The following ABCB5 variants were observed in gnomAD, a reference collection of about 807,000 sequenced individuals.
The protein encoded by ABCB5 is ATP-binding cassette sub-family B member 5.
In ABCB5, 155 loss-of-function variants were observed where a neutral mutation model predicts 144.2. The observed-to-expected ratio is 1.08, with a 90% CI of 0.94 to 1.23. The LOEUF (loss-of-function observed/expected upper bound fraction) is 1.23. ABCB5 is among the 50% of genes most tolerant of loss of function. The pLI, the probability that ABCB5 is intolerant of heterozygous loss-of-function variation, is 0.00. For missense variants in ABCB5, 1,830 were observed against 1,520.8 expected, an observed-to-expected ratio of 1.20 and a Z score of -3.38; for synonymous variants, 610 against 528.6, an observed-to-expected ratio of 1.15 and a Z score of -2.11.
Position 20,626,567 on chromosome 7 carries a change from G to C in ABCB5, c.64G>C (p.Glu22Gln), listed in dbSNP as rs563029385. 35 of 1,607,376 alleles carry C rather than the reference G, an allele frequency of 2.2e-5. No individual in the cohort carries two copies. Among genetic ancestry groups the C allele is most frequent in the Non-Finnish European group, 3.0e-5 (35 of 1,176,836 alleles). The change falls in exon 3 of 28, where the codon GAA (glutamate) becomes CAA (glutamine). Residue 22 changes from glutamate (E) to glutamine (Q), a missense_variant. By Grantham distance (29) the Glu-to-Gln change is conservative. Coordinates refer to ENST00000404938, the MANE Select transcript of ABCB5 (RefSeq NM_001163941.2). The stretch of plus-strand genomic sequence containing the variant: ...ACTTTTATTTTCCAGAACTGCAGAA[G>C]AACAGCCAAAACTGAGAAAGGAAGC... ...ENYQRNGTAE[E>Q]QPKLRKEAVG... is the part of the protein sequence containing the mutation.
intron 20 of ABCB5, among the ~76,000 whole-genome samples, chr7:20,720,479 T>G (rs1408891855): frequency 6.6e-6 from 1 of 152,222 alleles, no homozygotes; most frequent in East Asian, 1.9e-4. Flanking sequence ...ATGGGACCAA[T>G]CAAAACTGCG....
chr7:20,619,680 T>A (rs1783767467), intron 1 of ABCB5, among the ~76,000 whole-genome samples: 1 of 152,216 alleles, frequency 6.6e-6, no homozygotes, highest in African/African-American at 2.4e-5. Flanking sequence ...CTCTTTAGTT[T>A]ACTTAGGTCC....
intron 5 of ABCB5, among the ~76,000 whole-genome samples, chr7:20,637,771 G>C (rs1318221809): frequency 6.6e-6 from 1 of 152,066 alleles, no homozygotes; most frequent in African/African-American, 2.4e-5. Flanking sequence ...CTTTTCTTTT[G>C]CTACTTCTAA....
intron 14 of ABCB5, among the ~76,000 whole-genome samples, chr7:20,669,723 TAAA>T (rs35747177): frequency 1.5e-5 from 1 of 65,580 alleles, no homozygotes; most frequent in African/African-American, 5.4e-5. Context: ...GAATGATCAA[TAAA>T]AAAAAAAAAA....
intron 20 of ABCB5, among the ~76,000 whole-genome samples, chr7:20,711,839 T>TC (rs1787067271): frequency 1.7e-5 from 1 of 57,892 alleles, no homozygotes; most frequent in African/African-American, 1.4e-4. Context: ...TTTCTTTCTT[T>TC]CTTTCTTTTC....
intron 25 of ABCB5, among the ~76,000 whole-genome samples, 192 bp from the exon 26 acceptor site, chr7:20,745,040 A>C (rs1457053048): frequency 6.6e-6 from 1 of 152,178 alleles, no homozygotes. Context: ...TGGAGGGGGC[A>C]GTAGTGAGTT....
intron 13 of ABCB5, among the ~76,000 whole-genome samples, chr7:20,657,879 G>T (rs1186288520): frequency 1.3e-5 from 2 of 152,106 alleles, no homozygotes; most frequent in East Asian, 3.8e-4. Context: ...TTTGAATCAG[G>T]GACGTAACCC....
intron 14 of ABCB5, among the ~76,000 whole-genome samples, chr7:20,672,065 T>C (rs1472447564): frequency 6.6e-6 from 1 of 152,214 alleles, no homozygotes; most frequent in African/African-American, 2.4e-5. Context: ...TGACTGATGA[T>C]GTTAAGCATT....
At chr7:20,658,709 C>T (rs116410161) in intron 14 of ABCB5, 33 bp downstream of exon 14, 7 of 1,604,988 alleles carry the variant, frequency 4.4e-6, no homozygotes, top group Non-Finnish European at 6.0e-6. Flanking sequence ...TATTTCCATA[C>T]TCCTGGTTCA....
At chr7:20,752,586 C>T (rs1397990436) in intron 26 of ABCB5, among the ~76,000 whole-genome samples, 2 of 152,196 alleles carry the variant, frequency 1.3e-5, no homozygotes, top group Non-Finnish European at 2.9e-5. Flanking sequence ...CGGTAGCTCA[C>T]GCCTGCAATC....
intron 14 of ABCB5, among the ~76,000 whole-genome samples, chr7:20,670,333 G>GCACT (rs1562553554): frequency 6.6e-6 from 1 of 150,824 alleles, no homozygotes; most frequent in Non-Finnish European, 1.5e-5. Flanking sequence ...GAAGCTTCCT[G>GCACT]CACTATCTTT....
chr7:20,699,571 C>A (rs766038502), intron 17 of ABCB5, among the ~76,000 whole-genome samples: 1 of 151,954 alleles, frequency 6.6e-6, no homozygotes, highest in African/African-American at 2.4e-5. Context: ...TGTGGTGGTG[C>A]GCGCCTGTAA....
At position 20,739,086 on chromosome 7, in the gene ABCB5, T is replaced by C. The variant is rs771175734; in HGVS notation, c.2971T>C (p.Leu991=). 6.2e-7 allele frequency: 1 copy of C among 1,610,558 alleles called. No homozygotes were observed. The highest frequency in any genetic ancestry group is 1.3e-5 in the African/African-American group (1 of 74,700). The change falls in exon 24 of 28, where the codon TTG becomes CTG. Residue 991 remains leucine, a synonymous_variant. Coordinates refer to ENST00000404938, the MANE Select transcript of ABCB5 (RefSeq NM_001163941.2). ...ATCGGGGGCTGCGCATCTGTTTGCC[T>C]TGTTGGAAAAGAAACCAAATATAGA... ...AKSGAAHLFA[L]LEKKPNIDSR...
In ABCB5 at chr7:20,659,667, AC is replaced by A. The variant is rs1416082267; in HGVS notation, c.1707+992del. ...TTGGTACAGAAAATACAAAGACAGGACTAATATTTTATTCATTTTTTATACT... is the reference window on the plus strand; with the variant it reads ...TTGGTACAGAAAATACAAAGACAGGATAATATTTTATTCATTTTTTATACT... On this transcript the variant is annotated intron_variant, in intron 14 of 27. Transcript: ENST00000404938. 7.1e-6 allele frequency: 7 copies of A among 987,406 alleles called. No individual in the cohort carries two copies. In the Admixed American group the frequency reaches 1.8e-4, roughly 25 times the overall value. The allele number at this position is 987,406 out of a possible 1,614,324, so 61.2% of individuals were successfully genotyped here.
chr7:20,658,501 A>T lies in ABCB5; in HGVS notation c.1537-5A>T. 1 of 1,610,308 alleles carries T rather than the reference A, an allele frequency of 6.2e-7. No homozygotes were observed. The highest frequency in any genetic ancestry group is 8.5e-7 in the Non-Finnish European group (1 of 1,178,432). On this transcript the variant is annotated splice_polypyrimidine_tract_variant and splice_region_variant and intron_variant, in intron 13 of 27. Coordinates refer to ENST00000404938, the MANE Select transcript of ABCB5 (RefSeq NM_001163941.2). ...TTTCTGTGCTTCTTTCCTATTTTTC[A>T]TTAGAAATTTAATACATTGGTAGGG... is the stretch of plus-strand genomic sequence containing the variant.
chr7:20,699,487 G>A (rs1416526065), intron 17 of ABCB5, among the ~76,000 whole-genome samples: 1 of 151,860 alleles, frequency 6.6e-6, no homozygotes. Context: ...GATCACTTGA[G>A]GTCAAGAGCT....
At chr7:20,736,670 G>A (rs1370672456) in intron 23 of ABCB5, among the ~76,000 whole-genome samples, 1 of 152,174 alleles carries the variant, frequency 6.6e-6, no homozygotes, top group Non-Finnish European at 1.5e-5. Flanking sequence ...GCCTCCAGGA[G>A]CTTAAACCAG....
intron 5 of ABCB5, among the ~76,000 whole-genome samples, chr7:20,640,161 C>A (rs1339852990): frequency 6.6e-6 from 1 of 151,964 alleles, no homozygotes; most frequent in African/African-American, 2.4e-5. Context: ...CCATCCTATC[C>A]TTGAATAGTC....
At chr7:20,629,423 C>T (rs79469415) in intron 4 of ABCB5, among the ~76,000 whole-genome samples, 14 of 152,150 alleles carry the variant, frequency 9.2e-5, no homozygotes, top group South Asian at 2.1e-4. Flanking sequence ...TTTAATCAAA[C>T]GCTTGGGCCA....
Sources: gnomAD v4.1 joint callset for allele counts (sites outside exome capture counted in the v4.1 genomes callset) on GRCh38, gnomAD v4.1.1 for gene constraint, MANE v1.5 for transcripts, NCBI Gene and HGNC (gene_info 2026-07-23, HGNC 2026-07-21) for gene names.